TRPC4: variants seen among roughly 807,000 people sequenced by gnomAD.
The protein encoded by TRPC4 is transient receptor potential cation channel subfamily C member 4, also known as short transient receptor potential channel 4.
TRPC4 carries 49 observed loss-of-function variants against 99.4 expected under a neutral mutation model. The observed-to-expected ratio is 0.49, with a 90% CI of 0.39 to 0.63. The LOEUF is 0.63. TRPC4 is among the 20% of genes least tolerant of loss of function. The pLI is 0.00. For synonymous variants in TRPC4, 454 were observed against 425.9 expected (o/e 1.07, Z -0.81); for missense variants, 898 against 1,152.9 (o/e 0.78, Z 3.20).
chr13:37,692,478 A>G (rs1566100979), intron 3 of TRPC4, 143 bp from the exon 4 acceptor site: 1 of 801,946 alleles, frequency 1.2e-6, no homozygotes. Flanking sequence ...AAAAGGCTTT[A>G]AGTCATTCTG....
intron 1 of TRPC4, among the ~76,000 whole-genome samples, chr13:37,853,294 A>G (rs2139684911): frequency 6.6e-6 from 1 of 152,316 alleles, no homozygotes; most frequent in Admixed American, 6.5e-5. Flanking sequence ...AAGTGAGGTA[A>G]ATGAATAACA....
At chr13:37,863,274 C>A (rs1443214577) in intron 1 of TRPC4, among the ~76,000 whole-genome samples, 1 of 151,516 alleles carries the variant, frequency 6.6e-6, no homozygotes, top group East Asian at 1.9e-4. Context: ...TCATTCATTG[C>A]AAATCTAACC....
intron 2 of TRPC4, among the ~76,000 whole-genome samples, chr13:37,767,157 CT>C (rs1956398690): frequency 6.6e-6 from 1 of 151,210 alleles, no homozygotes; most frequent in African/African-American, 2.4e-5. Flanking sequence ...TAATTTCCTT[CT>C]CATTCATTGC....
intron 2 of TRPC4, among the ~76,000 whole-genome samples, chr13:37,758,208 C>T (rs1222318037): frequency 1.3e-5 from 2 of 151,578 alleles, no homozygotes; most frequent in African/African-American, 2.4e-5. Context: ...TCTACATAAA[C>T]AAAGATCAAA....
intron 3 of TRPC4, among the ~76,000 whole-genome samples, chr13:37,699,507 A>G (rs1954031723): frequency 6.6e-6 from 1 of 152,234 alleles, no homozygotes; most frequent in African/African-American, 2.4e-5. Flanking sequence ...CCTTGTTAAA[A>G]GGCAAAAAAT....
chr13:37,820,829 A>G (rs1244725422), intron 1 of TRPC4, among the ~76,000 whole-genome samples: 2 of 152,136 alleles, frequency 1.3e-5, no homozygotes, highest in South Asian at 2.1e-4. Flanking sequence ...AGCAAACATT[A>G]TACTGAATGG....
chr13:37,683,452 G>C (rs942257654), intron 4 of TRPC4, among the ~76,000 whole-genome samples: 1 of 152,124 alleles, frequency 6.6e-6, no homozygotes, highest in Admixed American at 6.5e-5. Context: ...ATTTGTTAGG[G>C]TTCCAGGACC....
At chr13:37,851,313 C>T (rs1416143911) in intron 1 of TRPC4, among the ~76,000 whole-genome samples, 1 of 152,058 alleles carries the variant, frequency 6.6e-6, no homozygotes, top group East Asian at 1.9e-4. Flanking sequence ...ATTCTTGATA[C>T]ACATTTTTCA....
At chr13:37,763,817 A>T (rs965126357) in intron 2 of TRPC4, among the ~76,000 whole-genome samples, 7 of 151,710 alleles carry the variant, frequency 4.6e-5, no homozygotes, top group African/African-American at 1.7e-4. Flanking sequence ...TGGGTGCTAG[A>T]TAGAGTGAGC....
intron 4 of TRPC4, among the ~76,000 whole-genome samples, chr13:37,686,323 T>C (rs1953477195): frequency 6.6e-6 from 1 of 152,068 alleles, no homozygotes; most frequent in Admixed American, 6.6e-5. Flanking sequence ...TATGTATACA[T>C]ACATATATAT....
intron 5 of TRPC4, among the ~76,000 whole-genome samples, chr13:37,667,191 A>G (rs1952673713): frequency 6.6e-6 from 1 of 152,158 alleles, no homozygotes; most frequent in African/African-American, 2.4e-5. Flanking sequence ...CCTTCTCTTC[A>G]TCACTACCCT....
intron 5 of TRPC4, among the ~76,000 whole-genome samples, chr13:37,673,095 CT>C (rs1254260698): frequency 1.8e-5 from 2 of 113,542 alleles, no homozygotes; most frequent in East Asian, 6.5e-4. Flanking sequence ...TCCCTCCCCC[CT>C]CCCCCCACCC....
intron 1 of TRPC4, among the ~76,000 whole-genome samples, chr13:37,813,070 A>C (rs776424493): frequency 7.9e-5 from 12 of 151,998 alleles, no homozygotes; most frequent in Non-Finnish European, 1.8e-4. Flanking sequence ...AACCAACCAC[A>C]AAGGCATAAA....
chr13:37,654,941 A>G, intron 7 of TRPC4, 147 bp downstream of exon 7: 2 of 602,630 alleles, frequency 3.3e-6, no homozygotes, highest in Non-Finnish European at 2.5e-6. Context: ...TACTGCTCAG[A>G]AATTTCAAAT....
chr13:37,813,790 C>A (rs1957767538), intron 1 of TRPC4, among the ~76,000 whole-genome samples: 1 of 151,698 alleles, frequency 6.6e-6, no homozygotes. Flanking sequence ...ATGTTTCAAT[C>A]ATTCACAAAC....
intron 5 of TRPC4, among the ~76,000 whole-genome samples, chr13:37,670,135 T>G (rs959849811): frequency 6.6e-6 from 1 of 151,556 alleles, no homozygotes; most frequent in African/African-American, 2.4e-5. Flanking sequence ...AAACCAACCA[T>G]GCTGGAACCT....
intron 1 of TRPC4, among the ~76,000 whole-genome samples, chr13:37,834,661 T>G (rs1035649675): frequency 2.0e-5 from 3 of 152,202 alleles, no homozygotes; most frequent in African/African-American, 7.2e-5. Context: ...GTAAATGAGA[T>G]GCACTCTGGT....
intron 7 of TRPC4, among the ~76,000 whole-genome samples, chr13:37,653,414 A>AAAGAAAGAAAGAAGAAAG (rs1218077683): frequency 7.3e-6 from 1 of 137,370 alleles, no homozygotes; most frequent in East Asian, 2.1e-4. Flanking sequence ...AAAGAGGAAG[A>AAAGAAAGAAAGAAGAAAG]AAGAAAGAAA....
At chr13:37,833,855 A>G (rs1198667443) in intron 1 of TRPC4, among the ~76,000 whole-genome samples, 1 of 152,138 alleles carries the variant, frequency 6.6e-6, no homozygotes, top group Non-Finnish European at 1.5e-5. Context: ...TGGAGGATAT[A>G]GTTTTTAAAT....
Sources: allele counts gnomAD v4.1 joint callset (sites outside exome capture counted in the v4.1 genomes callset), GRCh38; gene constraint gnomAD v4.1.1; transcripts MANE v1.5; gene names NCBI Gene and HGNC (gene_info 2026-07-23, HGNC 2026-07-21).